Variants in RERG observed in about 807,000 individuals in gnomAD.
RERG encodes the protein RAS like estrogen regulated growth inhibitor, also known as ras-related and estrogen-regulated growth inhibitor.
RERG carries 25 observed loss-of-function variants against 23.2 expected under a neutral mutation model. That is an observed-to-expected ratio of 1.08 (90% CI 0.79 to 1.50). The LOEUF (loss-of-function observed/expected upper bound fraction) is 1.50. RERG is among the 40% of genes most tolerant of loss of function. The pLI is 0.00. For synonymous variants in RERG, 81 were observed against 89.1 expected, an observed-to-expected ratio of 0.91 and a Z score of 0.51; for missense variants, 253 against 250.1, an observed-to-expected ratio of 1.01 and a Z score of -0.08.
At chr12:15,217,764 T>C (rs1865462801) in intron 1 of RERG, 161 bp from the exon 2 acceptor site, 2 of 327,182 alleles carry the variant, frequency 6.1e-6, no homozygotes, top group South Asian at 4.7e-5. Flanking sequence ...CTGTAAATGA[T>C]TTAACTAATA....
intron 2 of RERG, among the ~76,000 whole-genome samples, chr12:15,213,911 G>A (rs777699112): frequency 6.6e-6 from 1 of 151,732 alleles, no homozygotes; most frequent in Non-Finnish European, 1.5e-5. Flanking sequence ...TAAGCCATAC[G>A]AAGTATTGTT....
intron 3 of RERG, among the ~76,000 whole-genome samples, chr12:15,115,984 T>C (rs1224124238): frequency 6.6e-6 from 1 of 152,230 alleles, no homozygotes. Flanking sequence ...TTTTATGTTA[T>C]TGTCATTCTC....
At chr12:15,215,241 C>T (rs1204194570) in intron 2 of RERG, among the ~76,000 whole-genome samples, 1 of 152,200 alleles carries the variant, frequency 6.6e-6, no homozygotes, top group Non-Finnish European at 1.5e-5. Flanking sequence ...TTTGATCTCT[C>T]TGTGCAGGTG....
intron 3 of RERG, among the ~76,000 whole-genome samples, chr12:15,117,331 T>G (rs1449679935): frequency 6.6e-6 from 1 of 152,174 alleles, no homozygotes; most frequent in African/African-American, 2.4e-5. Context: ...TCCTTATTTG[T>G]CAAATGACAA....
chr12:15,192,951 T>C (rs1013750552), intron 2 of RERG, among the ~76,000 whole-genome samples: 6 of 152,212 alleles, frequency 3.9e-5, no homozygotes, highest in African/African-American at 1.4e-4. Flanking sequence ...TTCCTAGCTA[T>C]GCTAACCTTT....
At chr12:15,181,672 T>G (rs989306861) in intron 2 of RERG, among the ~76,000 whole-genome samples, 1 of 152,188 alleles carries the variant, frequency 6.6e-6, no homozygotes, top group African/African-American at 2.4e-5. Flanking sequence ...ATCATAGGAG[T>G]TCAATAAATG....
chr12:15,203,332 A>G (rs954523317), intron 2 of RERG, among the ~76,000 whole-genome samples: 1 of 151,486 alleles, frequency 6.6e-6, no homozygotes, highest in Non-Finnish European at 1.5e-5. Context: ...ATGTAGTCCC[A>G]CTTGTCTATT....
intron 3 of RERG, among the ~76,000 whole-genome samples, chr12:15,118,723 AG>A (rs1172560534): frequency 1.3e-5 from 2 of 150,934 alleles, no homozygotes; most frequent in African/African-American, 4.9e-5. Context: ...CCCCACCCTC[AG>A]TCATGGTCAT....
intron 2 of RERG, among the ~76,000 whole-genome samples, chr12:15,131,829 CA>C (rs1342737551): frequency 6.6e-6 from 1 of 152,160 alleles, no homozygotes; most frequent in South Asian, 2.1e-4. Context: ...GATTCTAGTC[CA>C]GGGGGAAAAC....
intron 2 of RERG, among the ~76,000 whole-genome samples, chr12:15,216,700 G>A (rs947271321): frequency 3.9e-5 from 6 of 152,214 alleles, no homozygotes; most frequent in South Asian, 2.1e-4. Context: ...TTTCAGCAAC[G>A]TTGACTTTGG....
chr12:15,111,088 T>A, intron 4 of RERG: 1 of 302,590 alleles, frequency 3.3e-6, no homozygotes, highest in South Asian at 1.2e-4. Context: ...AAAATATAGG[T>A]GAGAGAGTCT....
At chr12:15,205,601 A>T (rs1241448883) in intron 2 of RERG, among the ~76,000 whole-genome samples, 3 of 152,090 alleles carry the variant, frequency 2.0e-5, no homozygotes, top group Non-Finnish European at 4.4e-5. Context: ...CAGTTGTTAG[A>T]TTCAGTTGTA....
intron 2 of RERG, among the ~76,000 whole-genome samples, chr12:15,170,788 AG>A (rs1464170904): frequency 1.3e-5 from 2 of 152,220 alleles, no homozygotes; most frequent in Admixed American, 6.5e-5. Flanking sequence ...AGTTCCCAAA[AG>A]GTAAAATCAC....
At chr12:15,121,731 T>G (rs1007468980) in intron 2 of RERG, among the ~76,000 whole-genome samples, 1 of 151,854 alleles carries the variant, frequency 6.6e-6, no homozygotes, top group Non-Finnish European at 1.5e-5. Flanking sequence ...ATGAGGCAGG[T>G]ACGATGTTAA....
At chr12:15,141,225 G>A (rs149803889) in intron 2 of RERG, among the ~76,000 whole-genome samples, 6,118 of 149,532 alleles carry the variant, frequency 0.041, 454 homozygotes, top group African/African-American at 0.14. Flanking sequence ...GAGCAGTCTC[G>A]GCTCACTGCA....
intron 2 of RERG, among the ~76,000 whole-genome samples, chr12:15,191,340 G>C (rs139818173): frequency 1.3e-5 from 2 of 152,114 alleles, no homozygotes; most frequent in Admixed American, 6.5e-5. Context: ...ATTAGCTTTT[G>C]TTAATTATGC....
chr12:15,153,765 T>C (rs913925812), intron 2 of RERG, among the ~76,000 whole-genome samples: 3 of 152,172 alleles, frequency 2.0e-5, no homozygotes, highest in African/African-American at 7.2e-5. Flanking sequence ...TAGATAGTGT[T>C]ATGGGTTGAA....
At chr12:15,200,101 A>G (rs1394261696) in intron 2 of RERG, among the ~76,000 whole-genome samples, 1 of 152,084 alleles carries the variant, frequency 6.6e-6, no homozygotes, top group East Asian at 1.9e-4. Flanking sequence ...TCTGTAGATG[A>G]CCAAGAAAGA....
intron 4 of RERG, among the ~76,000 whole-genome samples, chr12:15,110,433 G>C (rs1173963134): frequency 1.6e-5 from 2 of 124,926 alleles, no homozygotes; most frequent in Non-Finnish European, 3.4e-5. Context: ...GAAAACTTTA[G>C]CTTTCTGTCA....
Sources: allele counts gnomAD v4.1 joint callset (sites outside exome capture counted in the v4.1 genomes callset), GRCh38; gene constraint gnomAD v4.1.1; transcripts MANE v1.5; gene names NCBI Gene and HGNC (gene_info 2026-07-23, HGNC 2026-07-21).